ATP8B1: variants seen among roughly 807,000 people sequenced by gnomAD.
ATP8B1 encodes ATPase phospholipid transporting 8B1.
ATP8B1 carries 80 observed loss-of-function variants against 149.9 expected under a neutral mutation model. That is an observed-to-expected ratio of 0.53 (90% confidence interval 0.45 to 0.64). The LOEUF (loss-of-function observed/expected upper bound fraction) is 0.64, where lower values mean the gene tolerates loss of function less well. ATP8B1 is among the 30% of genes least tolerant of loss of function. ATP8B1 has a pLI of 0.00. For synonymous variants in ATP8B1, 536 were observed against 562.8 expected (o/e 0.95, Z 0.67); for missense variants, 1,247 against 1,552.6 (o/e 0.80, Z 3.31).
At chr18:57,681,328 G>C (rs1277282751) in intron 15 of ATP8B1, among the ~76,000 whole-genome samples, 1 of 152,096 alleles carries the variant, frequency 6.6e-6, no homozygotes, top group Non-Finnish European at 1.5e-5. Context: ...AACCACACGT[G>C]AACGTGGAAA....
At chr18:57,774,072 A>G (rs2080286238) in intron 1 of ATP8B1, among the ~76,000 whole-genome samples, 1 of 152,080 alleles carries the variant, frequency 6.6e-6, no homozygotes, top group Non-Finnish European at 1.5e-5. Flanking sequence ...TCTCATCTAC[A>G]GCCACCCTGC....
chr18:57,755,801 A>C (rs983131716), intron 1 of ATP8B1, among the ~76,000 whole-genome samples: 3 of 152,182 alleles, frequency 2.0e-5, no homozygotes, highest in Admixed American at 2.0e-4. Flanking sequence ...CTACAGAGTC[A>C]CAGCAGTGCA....
intron 16 of ATP8B1, among the ~76,000 whole-genome samples, chr18:57,673,367 T>A (rs1046504478): frequency 2.6e-5 from 4 of 152,114 alleles, no homozygotes; most frequent in Non-Finnish European, 5.9e-5. Flanking sequence ...ATTGATTAGA[T>A]AATATTGTAC....
chr18:57,699,744 A>G (rs761898338), intron 6 of ATP8B1, among the ~76,000 whole-genome samples: 1 of 151,588 alleles, frequency 6.6e-6, no homozygotes, highest in Non-Finnish European at 1.5e-5. Context: ...AAAAGACAGG[A>G]GTCTCACTAA....
chr18:57,711,285 G>A (rs1286148905), intron 2 of ATP8B1, among the ~76,000 whole-genome samples: 1 of 152,128 alleles, frequency 6.6e-6, no homozygotes, highest in African/African-American at 2.4e-5. Flanking sequence ...AGTTAAACAC[G>A]ATTACAATGA....
At chr18:57,656,544 C>A (rs1910010980) in intron 22 of ATP8B1, among the ~76,000 whole-genome samples, 1 of 151,808 alleles carries the variant, frequency 6.6e-6, no homozygotes, top group South Asian at 2.1e-4. Context: ...CGCCACCACA[C>A]CCAGCTAATT....
chr18:57,681,048 G>A (rs1220035930), intron 15 of ATP8B1, among the ~76,000 whole-genome samples: 3 of 152,156 alleles, frequency 2.0e-5, no homozygotes, highest in Non-Finnish European at 4.4e-5. Flanking sequence ...GCAGATGTGC[G>A]ATCCTAATCA....
At chr18:57,666,989 A>G (rs1910899938) in intron 20 of ATP8B1, 103 bp downstream of exon 20, 1 of 1,044,450 alleles carries the variant, frequency 9.6e-7, no homozygotes, top group Non-Finnish European at 1.5e-6. Flanking sequence ...CCCAAGTGAC[A>G]CATCGTAACC....
At chr18:57,773,657 C>T (rs1263320821) in intron 1 of ATP8B1, among the ~76,000 whole-genome samples, 1 of 152,148 alleles carries the variant, frequency 6.6e-6, no homozygotes. Context: ...CTGAACCCCT[C>T]AATTTCCCTC....
chr18:57,723,219 A>G (rs920629719), intron 2 of ATP8B1, among the ~76,000 whole-genome samples: 50 of 143,532 alleles, frequency 3.5e-4, no homozygotes, highest in African/African-American at 9.7e-4. Context: ...CACCACTCCT[A>G]TTCAACATAG....
intron 1 of ATP8B1, 155 bp from the exon 2 acceptor site, chr18:57,731,987 CA>C: frequency 1.4e-6 from 1 of 704,982 alleles, no homozygotes; most frequent in Non-Finnish European, 2.4e-6. Context: ...GACATGAAGA[CA>C]AGAACAAAAC....
intron 22 of ATP8B1, among the ~76,000 whole-genome samples, chr18:57,658,943 A>G (rs886396903): frequency 7.9e-5 from 12 of 152,170 alleles, no homozygotes; most frequent in Non-Finnish European, 1.8e-4. Context: ...AAAGTTTCCT[A>G]TATTTTTATC....
At chr18:57,687,309 G>A (rs536575392) in intron 13 of ATP8B1, among the ~76,000 whole-genome samples, 40 of 152,258 alleles carry the variant, frequency 2.6e-4, no homozygotes, top group African/African-American at 8.7e-4. Flanking sequence ...ATTATTCTAA[G>A]TACTTCATAT....
intron 20 of ATP8B1, among the ~76,000 whole-genome samples, chr18:57,665,066 A>T (rs1910769931): frequency 6.6e-6 from 1 of 151,926 alleles, no homozygotes. Context: ...AGCTGAAACA[A>T]GCAAGTGTCT....
At chr18:57,757,240 C>T (rs1453584315) in intron 1 of ATP8B1, among the ~76,000 whole-genome samples, 1 of 152,182 alleles carries the variant, frequency 6.6e-6, no homozygotes, top group African/African-American at 2.4e-5. Flanking sequence ...AAAGCACTTT[C>T]AAGCTAGCAC....
At chr18:57,685,164 A>G (rs1381898560) in intron 13 of ATP8B1, 49 bp from the exon 14 acceptor site, 2 of 1,598,246 alleles carry the variant, frequency 1.3e-6, no homozygotes, top group African/African-American at 1.3e-5. Flanking sequence ...CTATGTCCAG[A>G]GGCCCCTCCT....
chr18:57,661,268 C>T lies in ATP8B1; in HGVS notation c.2613G>A (p.Lys871=). Residue 871 remains lysine, a synonymous_variant, in exon 22 of 28, where the codon AAG becomes AAA. Coordinates refer to ENST00000648908, the MANE Select transcript of ATP8B1 (RefSeq NM_001374385.1). ...CCAGGTCCACCACCATGGCCTTCTG[C>T]TTGGGGGTGACGCGGCAGCAGATGA... ...SAVICCRVTP[K]QKAMVVDLVK... 6.2e-7 allele frequency: 1 copy of T among 1,613,994 alleles called. No homozygotes were observed. The highest frequency in any genetic ancestry group is 8.5e-7 in the Non-Finnish European group (1 of 1,180,026).
At chr18:57,791,872 C>T (rs999575556) in intron 1 of ATP8B1, among the ~76,000 whole-genome samples, 1 of 152,144 alleles carries the variant, frequency 6.6e-6, no homozygotes, top group Non-Finnish European at 1.5e-5. Context: ...TTTGTTTAGT[C>T]TCTATCTCTC....
chr18:57,774,556 A>G (rs2123387904), intron 1 of ATP8B1, among the ~76,000 whole-genome samples: 1 of 152,364 alleles, frequency 6.6e-6, no homozygotes, highest in Non-Finnish European at 1.5e-5. Context: ...AGATTGTGCC[A>G]TTGCACTCCA....
Sources: gnomAD v4.1 joint callset for allele counts (sites outside exome capture counted in the v4.1 genomes callset) on GRCh38, gnomAD v4.1.1 for gene constraint, MANE v1.5 for transcripts, NCBI Gene and HGNC (gene_info 2026-07-23, HGNC 2026-07-21) for gene names.